Variants in DNM3 observed in about 807,000 individuals in gnomAD.
DNM3 encodes dynamin-3.
A neutral mutation model predicts 101.6 loss-of-function variants in DNM3; 47 were observed. That is an observed-to-expected ratio of 0.46 (90% CI 0.37 to 0.59). DNM3 has a LOEUF of 0.59. Among genes scored for constraint, DNM3 ranks in the 20% least tolerant of loss-of-function variants. The pLI is 0.00. For missense variants in DNM3, 849 were observed against 1,085.7 expected (o/e 0.78, Z 3.06); for synonymous variants, 385 against 387.9 (o/e 0.99, Z 0.09).
chr1:172,253,707 C>G, intron 15 of DNM3, 25 bp downstream of exon 15: 3 of 1,479,026 alleles, frequency 2.0e-6, no homozygotes, highest in African/African-American at 1.4e-5. Flanking sequence ...CAGTTCCTGT[C>G]TTCAGATTTT....
chr1:172,028,587 T>C (rs541815936), intron 4 of DNM3, among the ~76,000 whole-genome samples: 4 of 152,066 alleles, frequency 2.6e-5, no homozygotes, highest in African/African-American at 9.6e-5. Context: ...CTGAAGGAGA[T>C]AGAAACACGA....
intron 20 of DNM3, among the ~76,000 whole-genome samples, chr1:172,391,790 C>T (rs549346013): frequency 1.4e-4 from 21 of 152,148 alleles, no homozygotes; most frequent in African/African-American, 5.1e-4. Flanking sequence ...TATAACATGA[C>T]AAGACAGCAC....
chr1:172,258,519 C>A (rs1156621160), intron 15 of DNM3, among the ~76,000 whole-genome samples: 1 of 152,004 alleles, frequency 6.6e-6, no homozygotes, highest in Non-Finnish European at 1.5e-5. Flanking sequence ...AGGAATGTAT[C>A]CATTTCTTCT....
chr1:172,244,978 A>G (rs560741577), intron 14 of DNM3, among the ~76,000 whole-genome samples: 47 of 152,336 alleles, frequency 3.1e-4, no homozygotes, highest in African/African-American at 8.4e-4. Flanking sequence ...CAATATTTGC[A>G]TAGCCTCTCA....
In DNM3 at chr1:172,156,791, T is replaced by C. The variant is rs116753630; in HGVS notation, c.1659+25503T>C. 5.4e-3 allele frequency among the ~76,000 whole-genome samples: 827 copies of C among 152,214 alleles called. 4 individuals carry two copies. Among genetic ancestry groups the C allele is most frequent in the Middle Eastern group, 0.027 (8 of 294 alleles). ...TGTATGTAAGAGCATTTAGGACATATAAAGCATTAAAGGACATATAAAGTG... is the reference window on the plus strand; with the variant it reads ...TGTATGTAAGAGCATTTAGGACATACAAAGCATTAAAGGACATATAAAGTG... On this transcript the variant is annotated intron_variant, in intron 14 of 20. Coordinates refer to ENST00000627582, the MANE Select transcript of DNM3 (RefSeq NM_015569.5).
intron 1 of DNM3, among the ~76,000 whole-genome samples, chr1:171,874,756 G>A (rs1193441210): frequency 1.3e-5 from 2 of 151,620 alleles, no homozygotes; most frequent in Admixed American, 1.3e-4. Context: ...GAATTATCCT[G>A]TCACCCCGGT....
chr1:171,913,726 C>CT (rs1178138552), intron 1 of DNM3, among the ~76,000 whole-genome samples: 2 of 151,946 alleles, frequency 1.3e-5, no homozygotes, highest in Non-Finnish European at 2.9e-5. Context: ...TTCCTTGTTT[C>CT]TTTTTTTGTT....
intron 20 of DNM3, among the ~76,000 whole-genome samples, chr1:172,402,382 T>C (rs892818354): frequency 2.0e-5 from 3 of 152,186 alleles, no homozygotes; most frequent in African/African-American, 4.8e-5. Context: ...CCTAGATGTA[T>C]GTAAACTAAA....
At chr1:172,227,640 G>A (rs574109696) in intron 14 of DNM3, among the ~76,000 whole-genome samples, 4 of 152,134 alleles carry the variant, frequency 2.6e-5, no homozygotes, top group Middle Eastern at 6.8e-3. Context: ...GGGTAAGGTG[G>A]TATCTCATTG....
chr1:171,951,845 C>G (rs191013764), intron 2 of DNM3, among the ~76,000 whole-genome samples: 4 of 152,244 alleles, frequency 2.6e-5, no homozygotes, highest in Admixed American at 1.3e-4. Context: ...TAAGTGGTTA[C>G]AGATTGGTTT....
chr1:172,388,537 A>T (rs775900325), intron 19 of DNM3, 36 bp from the exon 20 acceptor site: 1 of 1,542,190 alleles, frequency 6.5e-7, no homozygotes, highest in Admixed American at 1.7e-5. Flanking sequence ...GACAGAAAGG[A>T]GGAGTGAGCA....
chr1:172,326,784 G>A (rs2065955657), intron 17 of DNM3, among the ~76,000 whole-genome samples: 3 of 151,766 alleles, frequency 2.0e-5, no homozygotes, highest in South Asian at 2.1e-4. Flanking sequence ...TAACGATGTT[G>A]GTATAGATAC....
chr1:172,295,803 A>T (rs971760715), intron 15 of DNM3, among the ~76,000 whole-genome samples: 2 of 152,152 alleles, frequency 1.3e-5, no homozygotes, highest in African/African-American at 4.8e-5. Flanking sequence ...TAAAACCAAA[A>T]CCCAATTATA....
chr1:172,417,780 A>G (rs1270092035), intron 20 of DNM3, among the ~76,000 whole-genome samples: 2 of 152,078 alleles, frequency 1.3e-5, no homozygotes, highest in Non-Finnish European at 2.9e-5. Flanking sequence ...ATCTCTTGAC[A>G]CCTTCTAATT....
intron 17 of DNM3, among the ~76,000 whole-genome samples, chr1:172,324,935 G>A (rs75481731): frequency 0.051 from 7,806 of 152,118 alleles, 270 homozygotes; most frequent in South Asian, 0.1. Context: ...GACATTTTGG[G>A]GGAGGTGCTA....
intron 17 of DNM3, among the ~76,000 whole-genome samples, chr1:172,350,163 T>A (rs1334532668): frequency 2.0e-5 from 3 of 152,196 alleles, no homozygotes; most frequent in African/African-American, 7.2e-5. Context: ...AATCACGTTA[T>A]CATTTTTTTC....
At chr1:172,094,941 A>G (rs2054148062) in intron 13 of DNM3, among the ~76,000 whole-genome samples, 1 of 152,206 alleles carries the variant, frequency 6.6e-6, no homozygotes, top group Non-Finnish European at 1.5e-5. Context: ...GTATAATAGC[A>G]TATATGCATA....
At chr1:172,035,545 A>G (rs1385512848) in intron 6 of DNM3, among the ~76,000 whole-genome samples, 1 of 152,184 alleles carries the variant, frequency 6.6e-6, no homozygotes. Context: ...TAGCAGAAAA[A>G]TGAGAGGAGC....
intron 6 of DNM3, among the ~76,000 whole-genome samples, chr1:172,037,419 A>T (rs2049052050): frequency 1.3e-5 from 2 of 152,216 alleles, no homozygotes; most frequent in Non-Finnish European, 2.9e-5. Context: ...GACTGGATTA[A>T]CAAATTCTCC....
Sources: allele counts gnomAD v4.1 joint callset (sites outside exome capture counted in the v4.1 genomes callset), GRCh38; gene constraint gnomAD v4.1.1; transcripts MANE v1.5; gene names NCBI Gene and HGNC (gene_info 2026-07-23, HGNC 2026-07-21).